The following FRMD4A variants were observed in gnomAD, a reference collection of about 807,000 sequenced individuals.
FRMD4A encodes the protein FERM domain-containing protein 4A.
A neutral mutation model predicts 129.1 loss-of-function variants in FRMD4A; 29 were observed. That is an observed-to-expected ratio of 0.22 (90% CI 0.17 to 0.31). The LOEUF is 0.31. Among genes scored for constraint, FRMD4A ranks in the 10% least tolerant of loss-of-function variants. The pLI, the probability that FRMD4A is intolerant of heterozygous loss-of-function variation, is 1.00. For synonymous variants in FRMD4A, 634 were observed against 571.6 expected (o/e 1.11, Z -1.56); for missense variants, 1,272 against 1,375.8 (o/e 0.92, Z 1.19).
intron 2 of FRMD4A, among the ~76,000 whole-genome samples, chr10:13,878,615 T>C: frequency 6.6e-6 from 1 of 152,044 alleles, no homozygotes; most frequent in East Asian, 1.9e-4. Flanking sequence ...TAGCCAGGCA[T>C]GCTGGTGAGC....
intron 3 of FRMD4A, among the ~76,000 whole-genome samples, chr10:13,828,693 TG>T: frequency 6.6e-6 from 1 of 152,238 alleles, no homozygotes; most frequent in African/African-American, 2.4e-5. Flanking sequence ...CCACCATGCC[TG>T]GCTAATTTTG....
chr10:14,104,356 C>G (rs1229059464), intron 2 of FRMD4A, among the ~76,000 whole-genome samples: 1 of 152,262 alleles, frequency 6.6e-6, no homozygotes, highest in Non-Finnish European at 1.5e-5. Flanking sequence ...GAGGTCTACA[C>G]TGTGGTGCTC....
chr10:14,237,942 C>T (rs1173457939), intron 2 of FRMD4A, among the ~76,000 whole-genome samples: 3 of 152,186 alleles, frequency 2.0e-5, no homozygotes, highest in African/African-American at 7.2e-5. Flanking sequence ...GCATTTGCCT[C>T]CTACTCCACT....
intron 2 of FRMD4A, among the ~76,000 whole-genome samples, chr10:13,870,345 C>A (rs948104138): frequency 2.6e-5 from 4 of 152,208 alleles, no homozygotes; most frequent in African/African-American, 7.2e-5. Flanking sequence ...TTTTCAAATA[C>A]TCTCCTTCCC....
At position 13,997,532 on chromosome 10, in the gene FRMD4A, G is replaced by A. The variant is rs545449658; in HGVS notation, c.46-138620C>T. ...ACTGTCTTCTCTGTTATATGCCCAT[G>A]AGCATTAGGTTCAGGATGTCTGAGG... On this transcript the variant is annotated intron_variant, in intron 2 of 24. Transcript: ENST00000357447. 1.9e-3 allele frequency among the ~76,000 whole-genome samples: 293 copies of A among 152,084 alleles called. 2 individuals are homozygous for A. The highest frequency in any genetic ancestry group is 6.8e-3 in the African/African-American group (281 of 41,484).
intron 2 of FRMD4A, among the ~76,000 whole-genome samples, chr10:14,200,944 C>A (rs948503372): frequency 5.9e-5 from 9 of 152,214 alleles, no homozygotes; most frequent in African/African-American, 2.2e-4. Flanking sequence ...TCCTACCTGT[C>A]AGGAGCGTTT....
At chr10:13,666,474 C>T (rs192180606) in intron 17 of FRMD4A, 149 bp from the exon 18 acceptor site, 1 of 622,348 alleles carries the variant, frequency 1.6e-6, no homozygotes, top group African/African-American at 1.8e-5. Context: ...CCACTGAAGT[C>T]CCCAGGCACA....
chr10:13,679,458 A>AAAT lies in FRMD4A; in HGVS notation c.1118-4415_1118-4414insATT, dbSNP rs1554838337. Among the ~76,000 whole-genome samples the AAAT allele has an allele frequency of 3.1e-3, 76 of 24,552 alleles. 3 individuals carry two copies. The highest frequency in any genetic ancestry group is 4.2e-3 in the Non-Finnish European group (60 of 14,398). 16.1% of individuals were successfully genotyped at this position (24,552 alleles called of 152,430 possible). On this transcript the variant is annotated intron_variant, in intron 15 of 24. Transcript: ENST00000357447. Reference sequence around the variant, plus strand: ...AAAAAAAAAAAAAAAAAAAAAAAAAAAAATATATATATATATACACACACA... The same window carrying AAAT: ...AAAAAAAAAAAAAAAAAAAAAAAAAAAATAAATATATATATATATACACACACA...
intron 2 of FRMD4A, among the ~76,000 whole-genome samples, chr10:14,000,483 C>T (rs2095637885): frequency 6.6e-6 from 1 of 151,452 alleles, no homozygotes; most frequent in African/African-American, 2.4e-5. Context: ...CCTGTCTCTA[C>T]TAAAAATACA....
chr10:13,915,020 A>C (rs1157427091), intron 2 of FRMD4A, among the ~76,000 whole-genome samples: 1 of 152,126 alleles, frequency 6.6e-6, no homozygotes, highest in Non-Finnish European at 1.5e-5. Flanking sequence ...CCTCGAAAAC[A>C]ACAATAACAA....
At position 13,738,164 on chromosome 10, in the gene FRMD4A, A is replaced by T. The variant is rs555445058; in HGVS notation, c.673-234T>A. 1.2e-4 allele frequency among the ~76,000 whole-genome samples: 18 copies of T among 152,158 alleles called. No individual in the cohort carries two copies. The East Asian group carries it at 3.5e-3, about 29-fold the overall frequency. On this transcript the variant is annotated intron_variant, in intron 11 of 24. Transcript: ENST00000357447. ...GGGCTGGGGGCCTGGCTCTGCTCTT[A>T]ATCAGCCGCACAGCCGAGGTCCTTT...
intron 2 of FRMD4A, among the ~76,000 whole-genome samples, chr10:13,898,230 G>A (rs2131184150): frequency 6.6e-6 from 1 of 152,204 alleles, no homozygotes; most frequent in South Asian, 2.1e-4. Flanking sequence ...AAAGTCAGCT[G>A]GGTGTGGTGG....
At chr10:14,065,373 C>T (rs910307351) in intron 2 of FRMD4A, among the ~76,000 whole-genome samples, 4 of 152,120 alleles carry the variant, frequency 2.6e-5, no homozygotes, top group Admixed American at 6.5e-5. Context: ...TTAGTAGAGA[C>T]AGGGTTTCAC....
chr10:14,328,625 C>CGTGTGT (rs1564468712), intron 2 of FRMD4A, among the ~76,000 whole-genome samples: 2 of 88,318 alleles, frequency 2.3e-5, no homozygotes, highest in African/African-American at 1.1e-4. Flanking sequence ...TATACATATG[C>CGTGTGT]ATGTGTGTGT....
chr10:14,216,978 C>T (rs982239103), intron 2 of FRMD4A, among the ~76,000 whole-genome samples: 11 of 152,180 alleles, frequency 7.2e-5, no homozygotes, highest in African/African-American at 2.7e-4. Context: ...ATTATACACA[C>T]TGATCCCAAG....
At chr10:14,314,267 G>A (rs1244756370) in intron 2 of FRMD4A, among the ~76,000 whole-genome samples, 1 of 151,820 alleles carries the variant, frequency 6.6e-6, no homozygotes, top group Non-Finnish European at 1.5e-5. Context: ...CTGTTCCTTC[G>A]AGCTACTCAC....
chr10:14,176,538 A>G (rs1407421751), intron 2 of FRMD4A, among the ~76,000 whole-genome samples: 1 of 141,730 alleles, frequency 7.1e-6, no homozygotes, highest in African/African-American at 2.7e-5. Flanking sequence ...GCAATGGCGC[A>G]ATCTCAGCTC....
At chr10:14,118,707 C>G (rs1379065454) in intron 2 of FRMD4A, among the ~76,000 whole-genome samples, 1 of 152,140 alleles carries the variant, frequency 6.6e-6, no homozygotes, top group Non-Finnish European at 1.5e-5. Flanking sequence ...CAGGGGAACT[C>G]CCATTTATAA....
At chr10:13,654,791 TCCC>T (rs907059180) in intron 22 of FRMD4A, 9 of 478,318 alleles carry the variant, frequency 1.9e-5, no homozygotes, top group African/African-American at 1.8e-4. Context: ...GGATCCTAGG[TCCC>T]CGCTTTGCCA....
Sources: gnomAD v4.1 joint callset for allele counts (sites outside exome capture counted in the v4.1 genomes callset) on GRCh38, gnomAD v4.1.1 for gene constraint, MANE v1.5 for transcripts, NCBI Gene and HGNC (gene_info 2026-07-23, HGNC 2026-07-21) for gene names.